The following DERL2 variants were observed in gnomAD, a reference collection of about 807,000 sequenced individuals.
DERL2 encodes the protein derlin 2.
A neutral mutation model predicts 32.0 loss-of-function variants in DERL2; 13 were observed. The ratio of observed to expected loss-of-function variants is 0.41; its 90% CI spans 0.26 to 0.65. DERL2 has a LOEUF of 0.65. DERL2 is among the 30% of genes least tolerant of loss of function. DERL2 has a pLI of 0.35. For synonymous variants in DERL2, 111 were observed against 104.7 expected, an observed-to-expected ratio of 1.06 and a Z score of -0.37; for missense variants, 208 against 296.3, an observed-to-expected ratio of 0.70 and a Z score of 2.19.
chr17:5,478,208 A>C (rs1373463426), intron 6 of DERL2, among the ~76,000 whole-genome samples: 1 of 152,122 alleles, frequency 6.6e-6, no homozygotes, highest in African/African-American at 2.4e-5. Flanking sequence ...CACAAAAAAA[A>C]ACATTTAAGA....
In DERL2 at chr17:5,480,505, C is replaced by T. The variant is rs1372698426; in HGVS notation, c.405G>A (p.Arg135=). The change falls in exon 5 of 7, where the codon AGG becomes AGA. Residue 135 remains arginine (R), a synonymous_variant. Coordinates refer to ENST00000158771, the MANE Select transcript of DERL2 (RefSeq NM_016041.5). ...TIMLVYVWSR[R]NPYVRMNFFG... is the part of the protein sequence containing the mutation. ...AGAAGTTCATGCGGACATAGGGGTT[C>T]CTTCGGCTCCACACATAGACGAGCA... 7.5e-6 allele frequency: 12 copies of T among 1,608,530 alleles called. No individual in the cohort carries two copies. The highest frequency in any genetic ancestry group is 5.6e-5 in the South Asian group (5 of 89,872).
chr17:5,485,346 C>T (rs1906119399), intron 1 of DERL2, 130 bp from the exon 2 acceptor site: 5 of 586,788 alleles, frequency 8.5e-6, no homozygotes, highest in Middle Eastern at 3.6e-4. Context: ...AGCCTTTCTT[C>T]TTAGGCCAGA....
At chr17:5,483,745 C>T (rs1452531704) in intron 2 of DERL2, among the ~76,000 whole-genome samples, 1 of 152,150 alleles carries the variant, frequency 6.6e-6, no homozygotes. Context: ...ACTCTGATGG[C>T]AAATCTAGAA....
Position 5,474,358 on chromosome 17 carries a change from T to G in DERL2, c.*326A>C, listed in dbSNP as rs142380077. On this transcript the variant is annotated 3_prime_UTR_variant, in exon 7 of 7. Transcript: ENST00000158771. The surrounding 1 kb of genome is among the most constrained non-coding windows in gnomAD (Gnocchi z 4.3). ...TGAAACTTCCATTTACACCATGGCC[T>G]CATCTATCAAGAAGAGGAAGAAAAG... 1 of 191,156 alleles carries G rather than the reference T, an allele frequency of 5.2e-6. No individual in the cohort carries two copies. Among genetic ancestry groups the G allele is most frequent in the African/African-American group, 2.3e-5 (1 of 43,062 alleles). The allele number at this position is 191,156 out of a possible 1,614,324, so 11.8% of individuals were successfully genotyped here.
Position 5,473,604 on chromosome 17 carries a change from ATTTT to A in DERL2, c.*1076_*1079del, listed in dbSNP as rs540131354. On this transcript the variant is annotated 3_prime_UTR_variant, in exon 7 of 7. Coordinates refer to ENST00000158771, the MANE Select transcript of DERL2 (RefSeq NM_016041.5). ...AATGAAAATCTGAGACCCTGTCTCT[ATTTT>A]TTTTTTTTAATTAAAAAAACAAAAA... 1 of 137,946 alleles carries A rather than the reference ATTTT, an allele frequency of 7.2e-6. No homozygotes were observed. The highest frequency in any genetic ancestry group is 2.7e-5 in the African/African-American group (1 of 37,116). The allele number at this position is 137,946 out of a possible 1,614,324, so 8.5% of individuals were successfully genotyped here.
chr17:5,486,079 G>A lies in DERL2; in HGVS notation c.83C>T (p.Thr28Ile), dbSNP rs766219980. Residue 28 changes from threonine to isoleucine, a missense_variant, in exon 1 of 7, where the codon ACC becomes ATC. Around this residue, in one of 3 missense-constraint regions of DERL2, gnomAD observed 44 missense variants for 42.3 expected, o/e 1.04. Coordinates refer to ENST00000158771, the MANE Select transcript of DERL2 (RefSeq NM_016041.5). ...RAYTTACVLT[T>I]AAVQLELITP... ...ACTGCAGCTGCTCACCACGGCGGCG[G>A]TGGTGAGGACGCAGGCAGTGGTGTA... 1 of 1,611,012 alleles carries A rather than the reference G, an allele frequency of 6.2e-7. No individual in the cohort carries two copies. The highest frequency in any genetic ancestry group is 1.1e-5 in the South Asian group (1 of 90,888).
Position 5,474,877 on chromosome 17 carries a change from C to T in DERL2, c.615-88G>A. On this transcript the variant is annotated intron_variant, in intron 6 of 6. Transcript: ENST00000158771. This position sits in a 1 kb window ranked among gnomAD's most constrained non-coding sequence, Gnocchi z 4.3. Reference sequence around the variant, plus strand: ...GGTCAGTTCAGGCCCCATAGGGTTTCCACCAATAGGTAAGCATTACACCTG... The same window carrying T: ...GGTCAGTTCAGGCCCCATAGGGTTTTCACCAATAGGTAAGCATTACACCTG... 1.2e-6 allele frequency: 1 copy of T among 855,952 alleles called. No homozygotes were observed. Among genetic ancestry groups the T allele is most frequent in the Admixed American group, 2.7e-5 (1 of 36,788 alleles). The allele number at this position is 855,952 out of a possible 1,614,324, so 53.0% of individuals were successfully genotyped here.
intron 6 of DERL2, among the ~76,000 whole-genome samples, chr17:5,476,663 C>T (rs1259009640): frequency 6.6e-6 from 1 of 152,168 alleles, no homozygotes; most frequent in Non-Finnish European, 1.5e-5. Flanking sequence ...TGCCTATGAT[C>T]CCAGCTACTA....
At chr17:5,476,326 T>C (rs1403411584) in intron 6 of DERL2, among the ~76,000 whole-genome samples, 1 of 152,150 alleles carries the variant, frequency 6.6e-6, no homozygotes, top group Admixed American at 6.5e-5. Flanking sequence ...AATAGTATAA[T>C]TCAAAATGAG....
chr17:5,484,063 G>C (rs1301537788), intron 2 of DERL2, among the ~76,000 whole-genome samples: 1 of 152,222 alleles, frequency 6.6e-6, no homozygotes, highest in Non-Finnish European at 1.5e-5. Context: ...AGGAGGATGA[G>C]TACATAAAGG....
At chr17:5,485,676 C>T (rs913947443) in intron 1 of DERL2, among the ~76,000 whole-genome samples, 1 of 152,134 alleles carries the variant, frequency 6.6e-6, no homozygotes, top group African/African-American at 2.4e-5. Context: ...TATTATAAGC[C>T]ATTCCCCTCT....
Position 5,485,133 on chromosome 17 carries a change from T to C in DERL2, c.159+18A>G, listed in dbSNP as rs2151711271. 1.3e-6 allele frequency: 2 copies of C among 1,524,948 alleles called. No individual in the cohort carries two copies. Among genetic ancestry groups the C allele is most frequent in the South Asian group, 1.2e-5 (1 of 83,328 alleles). The allele number at this position is 1,524,948 out of a possible 1,614,324, so 94.5% of individuals were successfully genotyped here. A position where few individuals can be genotyped will look rare whatever the true frequency, so the allele number is the denominator to read the frequency against. On this transcript the variant is annotated intron_variant, in intron 2 of 6. Coordinates refer to ENST00000158771, the MANE Select transcript of DERL2 (RefSeq NM_016041.5). ...GAAGAAACTGAAGCATTAATCACTA[T>C]TGTGATGAACCACTTACTTGAAAGT...
rs761537452 is a variant in DERL2 at position 5,480,523 on chromosome 17, G to A, written c.387C>T (p.Val129=). The change falls in exon 5 of 7, where the codon GTC becomes GTT. Residue 129 remains valine, a synonymous_variant. Coordinates refer to ENST00000158771, the MANE Select transcript of DERL2 (RefSeq NM_016041.5). ...FLGQAFTIML[V]YVWSRRNPYV... is the part of the protein sequence containing the mutation. ...AGGGGTTCCTTCGGCTCCACACATA[G>A]ACGAGCATTATTGTAAAGGCCTGGC... is the stretch of plus-strand genomic sequence containing the variant. 9 of 1,599,674 alleles carry A rather than the reference G, an allele frequency of 5.6e-6. 1 individual carries two copies. The South Asian group carries it at 1.0e-4, about 18-fold the overall frequency.
intron 3 of DERL2, 119 bp downstream of exon 3, chr17:5,482,690 T>C (rs1905868611): frequency 1.6e-6 from 1 of 633,740 alleles, no homozygotes; most frequent in African/African-American, 1.9e-5. Flanking sequence ...TATGTACCAC[T>C]GACCCAGAAA....
intron 6 of DERL2, among the ~76,000 whole-genome samples, chr17:5,475,420 C>A (rs571708174): frequency 6.6e-6 from 1 of 151,872 alleles, no homozygotes; most frequent in Non-Finnish European, 1.5e-5. Flanking sequence ...CCACCACGCC[C>A]GGCTGATTTT....
At chr17:5,484,098 G>C (rs1397269904) in intron 2 of DERL2, among the ~76,000 whole-genome samples, 1 of 152,234 alleles carries the variant, frequency 6.6e-6, no homozygotes, top group East Asian at 1.9e-4. Context: ...CGTTTTGAAA[G>C]GCAAGCTAGA....
chr17:5,479,521 A>G (rs1905630307), intron 6 of DERL2, among the ~76,000 whole-genome samples: 3 of 147,980 alleles, frequency 2.0e-5, no homozygotes, highest in Admixed American at 6.7e-5. Context: ...AAAAAAAAAA[A>G]AAAAAGAAAG....
intron 5 of DERL2, 73 bp downstream of exon 5, chr17:5,480,314 A>G: frequency 6.8e-7 from 1 of 1,472,422 alleles, no homozygotes; most frequent in Non-Finnish European, 9.3e-7. Context: ...GGCCAAACAG[A>G]ATAAACATGA....
chr17:5,480,046 A>C lies in DERL2; in HGVS notation c.614+8T>G. 1 of 1,564,600 alleles carries C rather than the reference A, an allele frequency of 6.4e-7. No homozygotes were observed. The highest frequency in any genetic ancestry group is 8.8e-7 in the Non-Finnish European group (1 of 1,137,864). ...GTAAGAGTATGTAACCTGGTGTTAA[A>C]TACTCACAAAATAGATGGTGTTTTC... On this transcript the variant is annotated splice_region_variant and intron_variant, in intron 6 of 6. Coordinates refer to ENST00000158771, the MANE Select transcript of DERL2 (RefSeq NM_016041.5).
Sources: gnomAD v4.1 joint callset for allele counts (sites outside exome capture counted in the v4.1 genomes callset) on GRCh38, gnomAD v4.1.1 for gene constraint, gnomAD v4.1.1 regional missense constraint, Gnocchi (gnomAD v3.1) non-coding constraint, MANE v1.5 for transcripts, NCBI Gene and HGNC (gene_info 2026-07-23, HGNC 2026-07-21) for gene names.